The following SLC24A2 variants were observed in gnomAD, a reference collection of about 807,000 sequenced individuals.
SLC24A2 encodes the protein solute carrier family 24 member 2, also known as sodium/potassium/calcium exchanger 2.
Under a neutral mutation model 62.0 loss-of-function variants are expected in SLC24A2, and 36 were observed. The observed-to-expected ratio is 0.58, with a 90% confidence interval of 0.44 to 0.77. The LOEUF (loss-of-function observed/expected upper bound fraction) is 0.77, where lower values mean the gene tolerates loss of function less well. SLC24A2 is among the 30% of genes least tolerant of loss of function. SLC24A2 has a pLI of 0.00. For synonymous variants in SLC24A2, 358 were observed against 294.0 expected, an observed-to-expected ratio of 1.22 and a Z score of -2.23; for missense variants, 846 against 817.9, an observed-to-expected ratio of 1.03 and a Z score of -0.42.
intron 2 of SLC24A2, among the ~76,000 whole-genome samples, chr9:19,710,081 A>T (rs991997240): frequency 5.9e-5 from 9 of 152,040 alleles, no homozygotes; most frequent in Non-Finnish European, 8.8e-5. Flanking sequence ...CTGTGGAAGG[A>T]TGTCTTTGGG....
the SLC24A2 span, among the ~76,000 whole-genome samples, chr9:19,815,355 A>T: frequency 6.6e-6 from 1 of 152,108 alleles, no homozygotes; most frequent in Admixed American, 6.6e-5. Context: ...CTGAGGATAC[A>T]TTGCTTGTAC....
At chr9:20,080,955 A>T in the SLC24A2 span, among the ~76,000 whole-genome samples, 1 of 152,164 alleles carries the variant, frequency 6.6e-6, no homozygotes, top group Non-Finnish European at 1.5e-5. Context: ...TTAGAATGGC[A>T]ATCATTAAAA....
At chr9:20,172,207 T>C in the SLC24A2 span, among the ~76,000 whole-genome samples, 6 of 152,020 alleles carry the variant, frequency 3.9e-5, no homozygotes, top group East Asian at 5.8e-4. Flanking sequence ...GCAAAGGCAG[T>C]GCTAAGAGGA....
Position 19,618,435 on chromosome 9 carries a change from T to C in SLC24A2, c.1078+1149A>G, listed in dbSNP as rs1294661152. Reference sequence around the variant, plus strand: ...TTCTTGGAGAATATCACATCAGCTATACAACTCTCTGTGGTATAACAGGAA... The same window carrying C: ...TTCTTGGAGAATATCACATCAGCTACACAACTCTCTGTGGTATAACAGGAA... On this transcript the variant is annotated intron_variant, in intron 4 of 10. Coordinates refer to ENST00000341998, the MANE Select transcript of SLC24A2 (RefSeq NM_020344.4). 2.0e-5 allele frequency among the ~76,000 whole-genome samples: 3 copies of C among 152,160 alleles called. No individual in the cohort carries two copies. In the East Asian group the frequency reaches 5.8e-4, roughly 29 times the overall value.
chr9:19,849,187 G>T, the SLC24A2 span, among the ~76,000 whole-genome samples: 1 of 152,076 alleles, frequency 6.6e-6, no homozygotes, highest in African/African-American at 2.4e-5. Flanking sequence ...TGCGTTTGGG[G>T]ATTAGATAAA....
At position 19,597,322 on chromosome 9, in the gene SLC24A2, A is replaced by G. The variant is rs192721221; in HGVS notation, c.1079-43T>C. On this transcript the variant is annotated intron_variant, in intron 4 of 10. Transcript: ENST00000341998. The stretch of plus-strand genomic sequence containing the variant: ...AAGACACAAAGATAAGGAACGAGCT[A>G]TAATGCAAGAACTTTGTTTTTACAC... 72 of 1,251,392 alleles carry G rather than the reference A, an allele frequency of 5.8e-5. 1 individual carries two copies. The East Asian group carries it at 1.5e-3, about 26-fold the overall frequency. 77.5% of individuals were successfully genotyped at this position (1,251,392 alleles called of 1,614,324 possible).
the SLC24A2 span, among the ~76,000 whole-genome samples, chr9:19,940,996 A>G: frequency 6.6e-6 from 1 of 152,234 alleles, no homozygotes; most frequent in Non-Finnish European, 1.5e-5. Flanking sequence ...TCAATAACGC[A>G]GGCCACAGAG....
the SLC24A2 span, among the ~76,000 whole-genome samples, chr9:20,186,667 A>G: frequency 1.3e-5 from 2 of 152,210 alleles, no homozygotes; most frequent in South Asian, 2.1e-4. Context: ...ATGAAAATAT[A>G]TCTTTAAGCC....
chr9:19,638,329 G>A (rs7846924), intron 2 of SLC24A2, among the ~76,000 whole-genome samples: 92,574 of 152,032 alleles, frequency 0.61, 28,905 homozygotes, highest in East Asian at 0.76. Context: ...ACACATTCTT[G>A]ACTAGTTTTA....
the SLC24A2 span, among the ~76,000 whole-genome samples, chr9:19,902,000 T>A: frequency 6.6e-6 from 1 of 152,184 alleles, no homozygotes; most frequent in African/African-American, 2.4e-5. Flanking sequence ...AGAAAAACCT[T>A]GTAGAAGTTA....
the SLC24A2 span, among the ~76,000 whole-genome samples, chr9:20,071,673 G>C: frequency 1.3e-5 from 2 of 152,110 alleles, no homozygotes. Context: ...GACGACTAGA[G>C]GGGAAAACTG....
the SLC24A2 span, among the ~76,000 whole-genome samples, chr9:20,021,059 C>G: frequency 1.3e-5 from 2 of 152,070 alleles, no homozygotes; most frequent in African/African-American, 2.4e-5. Flanking sequence ...TATAAATGCA[C>G]ATGTATATTC....
chr9:19,895,866 C>T, the SLC24A2 span: 1 of 1,611,748 alleles, frequency 6.2e-7, no homozygotes, highest in Admixed American at 1.7e-5. Context: ...AGAAGGGGTG[C>T]AGCAGGGCCT....
chr9:19,904,568 G>A, the SLC24A2 span, among the ~76,000 whole-genome samples: 2 of 152,116 alleles, frequency 1.3e-5, no homozygotes, highest in African/African-American at 4.8e-5. Flanking sequence ...TAGACTATAA[G>A]ACCTGCCATA....
intron 2 of SLC24A2, among the ~76,000 whole-genome samples, chr9:19,723,700 T>C (rs1033491943): frequency 1.3e-5 from 2 of 152,168 alleles, no homozygotes; most frequent in African/African-American, 4.8e-5. Flanking sequence ...AGAATTCTTC[T>C]TGAAATCTAA....
intron 2 of SLC24A2, among the ~76,000 whole-genome samples, chr9:19,780,260 T>C (rs757842343): frequency 2.8e-5 from 4 of 140,444 alleles, no homozygotes; most frequent in African/African-American, 1.0e-4. Context: ...CAGGTTAAAA[T>C]TGCTTTTTCT....
rs60056157 is a variant in SLC24A2, at chr9:19,587,655, C to CT, written c.1129+9573dup. Among the ~76,000 whole-genome samples the CT allele has an allele frequency of 8.3e-3, 1,222 of 146,954 alleles. 20 individuals carry two copies. The highest frequency in any genetic ancestry group is 0.027 in the African/African-American group (1,079 of 40,400). ...GCCTCCAAGTATAACAAATTCCCAC[C>CT]TTTTTTTTTTTAAAGAGCTTCATGG... On this transcript the variant is annotated intron_variant, in intron 5 of 10. Transcript: ENST00000341998.
At chr9:19,648,331 A>C (rs1257117266) in intron 2 of SLC24A2, among the ~76,000 whole-genome samples, 1 of 152,198 alleles carries the variant, frequency 6.6e-6, no homozygotes, top group African/African-American at 2.4e-5. Context: ...AGATTAAATG[A>C]ATTCAGAGAG....
intron 1 of SLC24A2, chr9:19,788,630 G>A (rs977681495): frequency 1.0e-6 from 1 of 985,416 alleles, no homozygotes; most frequent in Non-Finnish European, 1.2e-6. Flanking sequence ...CCCTCTGCGC[G>A]TCTCCCCCGA....
Sources: gnomAD v4.1 joint callset for allele counts (sites outside exome capture counted in the v4.1 genomes callset) on GRCh38, gnomAD v4.1.1 for gene constraint, MANE v1.5 for transcripts, NCBI Gene and HGNC (gene_info 2026-07-23, HGNC 2026-07-21) for gene names.